The following ARHGAP39 variants were observed in gnomAD, a reference collection of about 807,000 sequenced individuals.
ARHGAP39 encodes Rho GTPase activating protein 39.
Under a neutral mutation model 106.9 loss-of-function variants are expected in ARHGAP39, and 44 were observed. The observed-to-expected ratio is 0.41, with a 90% CI of 0.32 to 0.53. The LOEUF (loss-of-function observed/expected upper bound fraction) is 0.53, where lower values mean the gene tolerates loss of function less well. Ranked by LOEUF, ARHGAP39 falls within the 20% of genes least tolerant of loss-of-function variation. ARHGAP39 has a pLI of 0.21. For synonymous variants in ARHGAP39, 768 were observed against 693.2 expected, an observed-to-expected ratio of 1.11 and a Z score of -1.69; for missense variants, 1,496 against 1,577.3, an observed-to-expected ratio of 0.95 and a Z score of 0.87.
At chr8:144,561,485 C>CACTCCAGTGGTTTCCATCAG (rs1564848487) in intron 3 of ARHGAP39, among the ~76,000 whole-genome samples, 10 of 127,212 alleles carry the variant, frequency 7.9e-5, no homozygotes, top group South Asian at 2.2e-4. Flanking sequence ...GTTTCCATCA[C>CACTCCAGTGGTTTCCATCAG]ACTCCAGTGG....
At chr8:144,583,961 C>T (rs1403596643) in intron 2 of ARHGAP39, 1 of 152,230 alleles carries the variant, frequency 6.6e-6, no homozygotes, top group Admixed American at 6.5e-5. Flanking sequence ...GCACATCACT[C>T]AAGGGGATAA....
Position 144,530,497 on chromosome 8 carries a change from G to A in ARHGAP39, c.3270C>T (p.Asn1090=). 1 of 1,612,014 alleles carries A rather than the reference G, an allele frequency of 6.2e-7. No individual in the cohort carries two copies. Among genetic ancestry groups the A allele is most frequent in the Non-Finnish European group, 8.5e-7 (1 of 1,179,646 alleles). ...GCAGGAAGGACATCTCCTTGCGGGT[G>A]TTCTCGAAGATGACGCGCGGGTCGT... ...QSDDPRVIFE[N]TRKEMSFLRV... Residue 1090 remains asparagine, a synonymous_variant, in exon 12 of 12, where the codon AAC becomes AAT. Transcript: ENST00000377307.
chr8:144,617,037 C>T (rs1358491245), intron 1 of ARHGAP39, among the ~76,000 whole-genome samples: 1 of 151,902 alleles, frequency 6.6e-6, no homozygotes, highest in Admixed American at 6.6e-5. Flanking sequence ...CATTTTTAGT[C>T]TCTACTAAAA....
At chr8:144,660,350 C>G (rs539638259) in intron 1 of ARHGAP39, among the ~76,000 whole-genome samples, 57 of 152,288 alleles carry the variant, frequency 3.7e-4, no homozygotes, top group Admixed American at 9.8e-4. Flanking sequence ...CCATCTCACC[C>G]CTACTACCAT....
At chr8:144,642,478 C>T (rs886624682) in intron 1 of ARHGAP39, among the ~76,000 whole-genome samples, 1 of 151,382 alleles carries the variant, frequency 6.6e-6, no homozygotes, top group Non-Finnish European at 1.5e-5. Flanking sequence ...CAGAGTGAGA[C>T]TCCGTCTTAG....
chr8:144,664,902 T>C (rs1821923621), intron 1 of ARHGAP39, among the ~76,000 whole-genome samples: 1 of 152,204 alleles, frequency 6.6e-6, no homozygotes, highest in African/African-American at 2.4e-5. Flanking sequence ...GCTGAAAAGA[T>C]ACCTGAAAAT....
chr8:144,619,884 G>A (rs1461704491), intron 1 of ARHGAP39, among the ~76,000 whole-genome samples: 2 of 150,386 alleles, frequency 1.3e-5, no homozygotes, highest in African/African-American at 4.9e-5. Context: ...CCGTGTGAGT[G>A]AGCCTGTACA....
At chr8:144,590,740 A>T (rs1305104977) in intron 2 of ARHGAP39, among the ~76,000 whole-genome samples, 1 of 151,578 alleles carries the variant, frequency 6.6e-6, no homozygotes, top group Non-Finnish European at 1.5e-5. Flanking sequence ...TCAGCTCCAG[A>T]GACACCCCTA....
chr8:144,621,833 A>G (rs952209980), intron 1 of ARHGAP39, among the ~76,000 whole-genome samples: 2 of 152,162 alleles, frequency 1.3e-5, no homozygotes, highest in Non-Finnish European at 2.9e-5. Flanking sequence ...AAATAAAATA[A>G]AACAAAAGCT....
chr8:144,637,358 T>A (rs537246990), intron 1 of ARHGAP39, among the ~76,000 whole-genome samples: 1 of 152,322 alleles, frequency 6.6e-6, no homozygotes, highest in African/African-American at 2.4e-5. Context: ...ACGCCTGTAA[T>A]CCCAGCACTT....
intron 6 of ARHGAP39, among the ~76,000 whole-genome samples, chr8:144,542,614 CTTTT>C (rs1195488360): frequency 2.6e-5 from 4 of 151,576 alleles, no homozygotes; most frequent in Non-Finnish European, 4.4e-5. Context: ...TTCTTTCTTT[CTTTT>C]TCCTACCCGC....
chr8:144,597,622 A>G (rs1015132922), intron 2 of ARHGAP39, among the ~76,000 whole-genome samples: 2 of 152,226 alleles, frequency 1.3e-5, no homozygotes, highest in East Asian at 1.9e-4. Flanking sequence ...ACTGTAATCA[A>G]TGGGGCCGGG....
In ARHGAP39 at chr8:144,663,495, C is replaced by A. The variant is rs115789976; in HGVS notation, c.-82+22191G>T. Among the ~76,000 whole-genome samples the A allele has an allele frequency of 8.7e-3, 1,320 of 152,274 alleles. 15 individuals are homozygous for A. The highest frequency in any genetic ancestry group is 0.031 in the African/African-American group (1,273 of 41,546). On this transcript the variant is annotated intron_variant, in intron 1 of 11. Transcript: ENST00000377307. The stretch of plus-strand genomic sequence containing the variant: ...TGAGGGAGCCACCCCATGTCTCCAA[C>A]GCCTCTCACCAGGCCCCACCTCCAA...
At chr8:144,573,958 A>C (rs931790368) in intron 3 of ARHGAP39, among the ~76,000 whole-genome samples, 3 of 151,294 alleles carry the variant, frequency 2.0e-5, no homozygotes, top group Admixed American at 2.0e-4. Flanking sequence ...AGATCACTTG[A>C]GACCAAGAGT....
chr8:144,576,930 C>T (rs952708322), intron 3 of ARHGAP39, among the ~76,000 whole-genome samples: 1 of 152,228 alleles, frequency 6.6e-6, no homozygotes, highest in East Asian at 1.9e-4. Flanking sequence ...GATTTAACTG[C>T]AGTCAGTATT....
chr8:144,549,053 G>T (rs1345932451), intron 4 of ARHGAP39, among the ~76,000 whole-genome samples: 1 of 152,192 alleles, frequency 6.6e-6, no homozygotes, highest in East Asian at 1.9e-4. Context: ...CACTAACACC[G>T]CACCTGGCCA....
intron 1 of ARHGAP39, among the ~76,000 whole-genome samples, chr8:144,672,807 G>A (rs1822130982): frequency 6.6e-6 from 1 of 152,182 alleles, no homozygotes; most frequent in East Asian, 1.9e-4. Context: ...GCAGATAAGA[G>A]CTCGAGTGCT....
rs541394382 is a variant in ARHGAP39, at chr8:144,663,921, C to T, written c.-82+21765G>A. On this transcript the variant is annotated intron_variant, in intron 1 of 11. Transcript: ENST00000377307. ...GTGGCTCATGCCTGTAATCCCAGCA[C>T]GCTGGGTGGCTGAGACAGGCGGATC... Among the ~76,000 whole-genome samples, 31 of 152,288 alleles carry T rather than the reference C, an allele frequency of 2.0e-4. 1 individual carries two copies. In the Middle Eastern group the frequency reaches 0.01, roughly 50 times the overall value.
At chr8:144,582,467 G>A (rs1819030622) in intron 2 of ARHGAP39, among the ~76,000 whole-genome samples, 1 of 152,230 alleles carries the variant, frequency 6.6e-6, no homozygotes, top group South Asian at 2.1e-4. Flanking sequence ...AGCAGCCCTG[G>A]GGGTTCTGGG....
Sources: allele counts gnomAD v4.1 joint callset (sites outside exome capture counted in the v4.1 genomes callset), GRCh38; gene constraint gnomAD v4.1.1; transcripts MANE v1.5; gene names NCBI Gene and HGNC (gene_info 2026-07-23, HGNC 2026-07-21).